Variants in NAALADL2 observed in about 807,000 individuals in gnomAD.
The protein encoded by NAALADL2 is N-acetylated alpha-linked acidic dipeptidase like 2.
NAALADL2 carries 76 observed loss-of-function variants against 87.2 expected under a neutral mutation model. The ratio of observed to expected loss-of-function variants is 0.87; its 90% CI spans 0.72 to 1.05. The LOEUF is 1.05. Among genes scored for constraint, NAALADL2 ranks in the 50% least tolerant of loss-of-function variants. The pLI is 0.00. For synonymous variants in NAALADL2, 354 were observed against 331.0 expected (o/e 1.07, Z -0.75); for missense variants, 1,089 against 945.8 (o/e 1.15, Z -1.99).
At chr3:174,457,096 GA>G (rs1287848103) in intron 1 of NAALADL2, among the ~76,000 whole-genome samples, 1 of 151,922 alleles carries the variant, frequency 6.6e-6, no homozygotes, top group East Asian at 1.9e-4. Context: ...ATAAGAATAT[GA>G]AAAAAAGCTC....
chr3:175,409,352 A>G (rs13082925), intron 5 of NAALADL2, among the ~76,000 whole-genome samples: 89,614 of 151,530 alleles, frequency 0.59, 27,343 homozygotes, highest in East Asian at 0.67. Flanking sequence ...GTTGTCCAGG[A>G]TGTCATTGAT....
At chr3:175,768,146 T>G (rs541797575) in intron 13 of NAALADL2, among the ~76,000 whole-genome samples, 1 of 152,214 alleles carries the variant, frequency 6.6e-6, no homozygotes, top group East Asian at 1.9e-4. Context: ...GTATAATACG[T>G]GTCCATATCA....
At chr3:175,733,511 T>G (rs1020966796) in intron 11 of NAALADL2, among the ~76,000 whole-genome samples, 2 of 152,152 alleles carry the variant, frequency 1.3e-5, no homozygotes, top group African/African-American at 4.8e-5. Context: ...TGTGGAATTA[T>G]GGGAGCTACA....
intron 5 of NAALADL2, among the ~76,000 whole-genome samples, chr3:175,409,336 G>A (rs1009485996): frequency 2.0e-4 from 31 of 151,708 alleles, no homozygotes; most frequent in Admixed American, 3.3e-4. Context: ...CCTACTTGTG[G>A]CAAAAGTTGT....
intron 3 of NAALADL2, among the ~76,000 whole-genome samples, chr3:175,241,565 G>C (rs1746886563): frequency 6.6e-6 from 1 of 152,104 alleles, no homozygotes; most frequent in Admixed American, 6.5e-5. Flanking sequence ...CATGGGGCTA[G>C]TTTCTACATA....
intron 3 of NAALADL2, chr3:175,235,650 A>G (rs971550237): frequency 2.0e-5 from 3 of 152,194 alleles, no homozygotes; most frequent in Non-Finnish European, 2.9e-5. Context: ...CGCATTTTCA[A>G]CCTCTTCTTT....
intron 2 of NAALADL2, among the ~76,000 whole-genome samples, chr3:175,199,818 A>AG: frequency 1.7e-5 from 1 of 59,666 alleles, no homozygotes; most frequent in Non-Finnish European, 3.1e-5. Context: ...GGGGGGAAAG[A>AG]AATATATATA....
At chr3:174,517,572 A>G (rs971775686) in intron 1 of NAALADL2, among the ~76,000 whole-genome samples, 1 of 152,044 alleles carries the variant, frequency 6.6e-6, no homozygotes, top group African/African-American at 2.4e-5. Flanking sequence ...TGAACAGCTG[A>G]TTGTGTATTT....
chr3:174,772,872 C>T (rs1714751326), intron 3 of NAALADL2, among the ~76,000 whole-genome samples: 1 of 152,112 alleles, frequency 6.6e-6, no homozygotes, highest in South Asian at 2.1e-4. Context: ...AAAAATCAAA[C>T]ATTAGGATGT....
intron 5 of NAALADL2, among the ~76,000 whole-genome samples, chr3:175,380,880 G>A (rs564844341): frequency 1.9e-4 from 29 of 152,006 alleles, no homozygotes; most frequent in Admixed American, 1.8e-3. Context: ...CAATTATAAA[G>A]CTTTAAATAT....
chr3:175,450,104 T>G (rs57371589), intron 6 of NAALADL2, among the ~76,000 whole-genome samples: 89 of 152,222 alleles, frequency 5.8e-4, no homozygotes, highest in African/African-American at 2.0e-3. Flanking sequence ...AATCCTACAT[T>G]GAACTGAATT....
Position 174,620,285 on chromosome 3 carries a change from A to G in NAALADL2, c.-115+69648A>G, listed in dbSNP as rs533199989. 2.0e-5 allele frequency among the ~76,000 whole-genome samples: 3 copies of G among 152,206 alleles called. No individual in the cohort carries two copies. The South Asian group carries it at 6.2e-4, about 31-fold the overall frequency. Reference sequence around the variant, plus strand: ...AATTAAATAAAACATAGCAACACCTACAACCATAAATATCAAAATGGGCAC... The same window carrying G: ...AATTAAATAAAACATAGCAACACCTGCAACCATAAATATCAAAATGGGCAC... On this transcript the variant is annotated intron_variant, in intron 2 of 3. Coordinates refer to the NAALADL2 transcript ENST00000434257.
intron 1 of NAALADL2, among the ~76,000 whole-genome samples, chr3:174,486,472 C>A (rs762993211): frequency 6.6e-6 from 1 of 151,970 alleles, no homozygotes; most frequent in Non-Finnish European, 1.5e-5. Flanking sequence ...TTGTCAATTA[C>A]GCTTTAGGTT....
At chr3:175,278,187 T>C (rs1753849043) in intron 4 of NAALADL2, among the ~76,000 whole-genome samples, 1 of 152,188 alleles carries the variant, frequency 6.6e-6, no homozygotes, top group Non-Finnish European at 1.5e-5. Context: ...ATGAATTCCC[T>C]ACTACATGAT....
intron 2 of NAALADL2, among the ~76,000 whole-genome samples, chr3:174,710,779 C>T (rs1175990591): frequency 6.6e-6 from 1 of 152,120 alleles, no homozygotes; most frequent in Non-Finnish European, 1.5e-5. Flanking sequence ...ATCCTGCCAG[C>T]AACAAGAATG....
intron 10 of NAALADL2, among the ~76,000 whole-genome samples, chr3:175,591,809 TATATATATATATATATATG>T (rs1560814899): frequency 7.0e-6 from 1 of 142,672 alleles, no homozygotes; most frequent in African/African-American, 2.6e-5. Flanking sequence ...TATATATATA[TATATATATATATATATATG>T]TATGAAAATG....
At chr3:175,393,431 C>A (rs1769339675) in intron 5 of NAALADL2, among the ~76,000 whole-genome samples, 1 of 149,350 alleles carries the variant, frequency 6.7e-6, no homozygotes, top group African/African-American at 2.5e-5. Flanking sequence ...TCTTTGAAAT[C>A]ATATTTTTTT....
At chr3:175,284,859 C>A (rs1206235812) in intron 4 of NAALADL2, among the ~76,000 whole-genome samples, 1 of 152,050 alleles carries the variant, frequency 6.6e-6, no homozygotes, top group African/African-American at 2.4e-5. Context: ...AAAGGCCAGG[C>A]TGAAGATGCA....
chr3:174,684,981 C>A (rs74564629), intron 2 of NAALADL2, among the ~76,000 whole-genome samples: 1,945 of 152,168 alleles, frequency 0.013, 38 homozygotes, highest in African/African-American at 0.045. Flanking sequence ...CCTCTCATCT[C>A]TTTACCTTTT....
Sources: gnomAD v4.1 joint callset for allele counts (sites outside exome capture counted in the v4.1 genomes callset) on GRCh38, gnomAD v4.1.1 for gene constraint, MANE v1.5 for transcripts, NCBI Gene and HGNC (gene_info 2026-07-23, HGNC 2026-07-21) for gene names.